The following PRKCB variants were observed in gnomAD, a reference collection of about 807,000 sequenced individuals.
PRKCB encodes the protein protein kinase C beta type.
Under a neutral mutation model 81.5 loss-of-function variants are expected in PRKCB, and 13 were observed. The ratio of observed to expected loss-of-function variants is 0.16; its 90% CI spans 0.10 to 0.25. The LOEUF (loss-of-function observed/expected upper bound fraction) is 0.25. Among genes scored for constraint, PRKCB ranks in the 10% least tolerant of loss-of-function variants. PRKCB has a pLI of 1.00. For synonymous variants in PRKCB, 335 were observed against 321.4 expected, an observed-to-expected ratio of 1.04 and a Z score of -0.45; for missense variants, 509 against 875.7, an observed-to-expected ratio of 0.58 and a Z score of 5.29.
intron 3 of PRKCB, among the ~76,000 whole-genome samples, chr16:24,027,557 G>A (rs993270544): frequency 6.6e-6 from 1 of 152,130 alleles, no homozygotes; most frequent in African/African-American, 2.4e-5. Context: ...GAGCACTCAG[G>A]GTCCCACTGG....
At chr16:24,003,328 G>A (rs1301452984) in intron 3 of PRKCB, among the ~76,000 whole-genome samples, 1 of 151,564 alleles carries the variant, frequency 6.6e-6, no homozygotes. Context: ...CATCGTTACA[G>A]TTGACCCCAT....
At chr16:24,017,650 T>C (rs1251096192) in intron 3 of PRKCB, among the ~76,000 whole-genome samples, 1 of 152,166 alleles carries the variant, frequency 6.6e-6, no homozygotes, top group African/African-American at 2.4e-5. Flanking sequence ...ACAGGAAAAT[T>C]TGTTACAAAT....
At chr16:23,965,862 G>A (rs577656375) in intron 2 of PRKCB, among the ~76,000 whole-genome samples, 6 of 152,306 alleles carry the variant, frequency 3.9e-5, no homozygotes, top group African/African-American at 1.4e-4. Context: ...GCACCCTGGG[G>A]CTTGAAGCTT....
chr16:23,958,866 C>T (rs1209931714), intron 2 of PRKCB, among the ~76,000 whole-genome samples: 1 of 151,998 alleles, frequency 6.6e-6, no homozygotes, highest in African/African-American at 2.4e-5. Context: ...CAATCAAGTT[C>T]GTCTGTTGCC....
chr16:23,837,414 CTGGGGCTT>C lies in PRKCB; in HGVS notation c.205+14_205+21del. 6.2e-7 allele frequency: 1 copy of C among 1,609,790 alleles called. No individual in the cohort carries two copies. The highest frequency in any genetic ancestry group is 8.5e-7 in the Non-Finnish European group (1 of 1,178,650). ...AGGGATTCCAGTGCCAAGGTAGGCT[CTGGGGCTT>C]TGGGGATGCTATTTGTGGGAAGAGA... On this transcript the variant is annotated intron_variant, in intron 2 of 16. Coordinates refer to ENST00000643927, the MANE Select transcript of PRKCB (RefSeq NM_002738.7).
intron 2 of PRKCB, among the ~76,000 whole-genome samples, chr16:23,916,077 A>G (rs1263879498): frequency 6.6e-6 from 1 of 152,166 alleles, no homozygotes; most frequent in African/African-American, 2.4e-5. Context: ...TTTTAGAGAC[A>G]GGATCTTGCT....
intron 2 of PRKCB, among the ~76,000 whole-genome samples, chr16:23,848,355 G>A (rs895245505): frequency 6.6e-6 from 1 of 152,216 alleles, no homozygotes; most frequent in African/African-American, 2.4e-5. Flanking sequence ...TCAGGCAGGA[G>A]AAACTGAAAT....
intron 11 of PRKCB, among the ~76,000 whole-genome samples, chr16:24,173,133 G>A (rs551142272): frequency 4.3e-4 from 66 of 152,270 alleles, no homozygotes; most frequent in Non-Finnish European, 8.5e-4. Flanking sequence ...TGGGGGTGAA[G>A]GATCAAGGTG....
intron 5 of PRKCB, among the ~76,000 whole-genome samples, chr16:24,044,936 A>G (rs559788297): frequency 1.3e-5 from 2 of 152,320 alleles, no homozygotes; most frequent in African/African-American, 4.8e-5. Context: ...TTGTCTGTAT[A>G]TTTTATAACC....
chr16:23,958,050 G>T (rs947271302), intron 2 of PRKCB, among the ~76,000 whole-genome samples: 1 of 152,142 alleles, frequency 6.6e-6, no homozygotes, highest in Non-Finnish European at 1.5e-5. Context: ...GGAGTGCAGT[G>T]GCACAATCTT....
At chr16:24,049,967 A>G (rs9940686) in intron 5 of PRKCB, among the ~76,000 whole-genome samples, 5,297 of 152,258 alleles carry the variant, frequency 0.035, 290 homozygotes, top group African/African-American at 0.12. Context: ...GGAGGGGTGA[A>G]TTGAGAATCA....
At chr16:24,053,450 AC>A (rs2141871896) in intron 5 of PRKCB, among the ~76,000 whole-genome samples, 1 of 152,380 alleles carries the variant, frequency 6.6e-6, no homozygotes, top group Admixed American at 6.5e-5. Context: ...ATTTACAAAA[AC>A]AGGCAGGAGG....
intron 5 of PRKCB, among the ~76,000 whole-genome samples, chr16:24,065,015 CTG>C (rs1036801876): frequency 7.5e-5 from 11 of 146,592 alleles, no homozygotes; most frequent in Non-Finnish European, 1.5e-4. Flanking sequence ...TATAAAAAGA[CTG>C]AAAGGGAAAA....
intron 2 of PRKCB, among the ~76,000 whole-genome samples, chr16:23,868,732 T>A (rs1284431129): frequency 1.3e-5 from 2 of 152,232 alleles, no homozygotes; most frequent in Admixed American, 1.3e-4. Context: ...AAGATTTTTA[T>A]AAAGTGGTGA....
chr16:23,930,865 T>A (rs957313827), intron 2 of PRKCB, among the ~76,000 whole-genome samples: 7 of 150,314 alleles, frequency 4.7e-5, no homozygotes, highest in Non-Finnish European at 1.0e-4. Flanking sequence ...CACAGTCAAG[T>A]GGTAAATGCT....
Position 24,215,288 on chromosome 16 carries a change from C to G in PRKCB, c.*472C>G, listed in dbSNP as rs1282473447. 17 of 986,464 alleles carry G rather than the reference C, an allele frequency of 1.7e-5. No homozygotes were observed. The highest frequency in any genetic ancestry group is 2.0e-5 in the Non-Finnish European group (17 of 830,386). The allele number at this position is 986,464 out of a possible 1,614,324, so 61.1% of individuals were successfully genotyped here. ...CTCTATTTCACCTGTTCTGGAGGCACCAGACCTTGAAAAGAACATGCTCAA... is the reference window on the plus strand; with the variant it reads ...CTCTATTTCACCTGTTCTGGAGGCAGCAGACCTTGAAAAGAACATGCTCAA... On this transcript the variant is annotated 3_prime_UTR_variant, in exon 17 of 17. Coordinates refer to ENST00000643927, the MANE Select transcript of PRKCB (RefSeq NM_002738.7).
At chr16:24,119,770 C>T (rs754131439) in intron 8 of PRKCB, among the ~76,000 whole-genome samples, 5 of 151,980 alleles carry the variant, frequency 3.3e-5, no homozygotes, top group Admixed American at 6.5e-5. Context: ...TTTTAACTAC[C>T]CCCTCGTTGC....
At chr16:23,973,473 G>A (rs760414507) in intron 2 of PRKCB, among the ~76,000 whole-genome samples, 32 of 149,600 alleles carry the variant, frequency 2.1e-4, no homozygotes, top group Non-Finnish European at 3.6e-4. Context: ...GTGAGCCACC[G>A]GGCCCGGCCT....
chr16:23,892,098 T>A (rs1005157070), intron 2 of PRKCB, among the ~76,000 whole-genome samples: 2 of 151,788 alleles, frequency 1.3e-5, no homozygotes, highest in African/African-American at 4.9e-5. Flanking sequence ...AAATGCCTGT[T>A]AATAAGTGGC....
Sources: gnomAD v4.1 joint callset for allele counts (sites outside exome capture counted in the v4.1 genomes callset) on GRCh38, gnomAD v4.1.1 for gene constraint, MANE v1.5 for transcripts, NCBI Gene and HGNC (gene_info 2026-07-23, HGNC 2026-07-21) for gene names.